Variants in NRXN1 observed in about 807,000 individuals in gnomAD.
NRXN1 encodes the protein neurexin-1.
A neutral mutation model predicts 150.9 loss-of-function variants in NRXN1; 39 were observed. That is an observed-to-expected ratio of 0.26 (90% CI 0.20 to 0.34). NRXN1 has a LOEUF of 0.34. NRXN1 is among the 10% of genes least tolerant of loss of function. The pLI is 1.00. For missense variants in NRXN1, 1,815 were observed against 1,949.9 expected (o/e 0.93, Z 1.30); for synonymous variants, 924 against 757.0 (o/e 1.22, Z -3.62).
intron 18 of NRXN1, among the ~76,000 whole-genome samples, chr2:50,168,754 T>C (rs943209268): frequency 6.6e-6 from 1 of 152,160 alleles, no homozygotes; most frequent in African/African-American, 2.4e-5. Flanking sequence ...CTTACATGAA[T>C]GCAACCCCAG....
chr2:50,378,751 T>C (rs2080715164), intron 17 of NRXN1, among the ~76,000 whole-genome samples: 1 of 152,130 alleles, frequency 6.6e-6, no homozygotes, highest in Non-Finnish European at 1.5e-5. Context: ...CAGTTTATTC[T>C]GAAAAGTGAT....
At chr2:50,498,443 C>G (rs2091767285) in intron 13 of NRXN1, among the ~76,000 whole-genome samples, 1 of 151,968 alleles carries the variant, frequency 6.6e-6, no homozygotes, top group Non-Finnish European at 1.5e-5. Context: ...GAAAGCTTGC[C>G]CAATTTTGAT....
At chr2:49,928,394 G>C (rs1054924366) in intron 22 of NRXN1, among the ~76,000 whole-genome samples, 24 of 152,008 alleles carry the variant, frequency 1.6e-4, no homozygotes, top group Admixed American at 1.5e-3. Context: ...ACCCCACCTA[G>C]GAAAGAGTTG....
At chr2:50,673,875 C>T (rs1037239885) in intron 5 of NRXN1, among the ~76,000 whole-genome samples, 1 of 151,978 alleles carries the variant, frequency 6.6e-6, no homozygotes, top group Non-Finnish European at 1.5e-5. Flanking sequence ...AAAAGGATGA[C>T]TTCATGTCCT....
intron 12 of NRXN1, among the ~76,000 whole-genome samples, chr2:50,514,849 A>C (rs1385543629): frequency 6.6e-6 from 1 of 152,210 alleles, no homozygotes; most frequent in East Asian, 1.9e-4. Flanking sequence ...AGTGCGAGGA[A>C]ACCTGAGTTT....
At chr2:50,264,285 C>T (rs1015970672) in intron 17 of NRXN1, among the ~76,000 whole-genome samples, 10 of 151,968 alleles carry the variant, frequency 6.6e-5, no homozygotes, top group African/African-American at 2.2e-4. Context: ...CGCACACATA[C>T]GCACATAGAA....
At chr2:50,488,122 C>T (rs1408695125) in intron 15 of NRXN1, among the ~76,000 whole-genome samples, 12 of 152,180 alleles carry the variant, frequency 7.9e-5, no homozygotes, top group Admixed American at 5.9e-4. Flanking sequence ...GCAAGGCAAA[C>T]CCTGTCCCTG....
chr2:50,051,482 A>C (rs1274504886), intron 21 of NRXN1, among the ~76,000 whole-genome samples: 1 of 152,078 alleles, frequency 6.6e-6, no homozygotes, highest in Non-Finnish European at 1.5e-5. Context: ...AAAGTCTATC[A>C]ATTTATTTGT....
chr2:49,921,750 T>C lies in NRXN1; in HGVS notation c.*194A>G, dbSNP rs941160317. 2.1e-5 allele frequency: 13 copies of C among 614,740 alleles called. No individual in the cohort carries two copies. Among genetic ancestry groups the C allele is most frequent in the Non-Finnish European group, 3.3e-5 (12 of 363,860 alleles). 38.1% of individuals were successfully genotyped at this position (614,740 alleles called of 1,614,324 possible). ...GGAATTTATTGGCCCCTGTTTTTTG[T>C]TTTTTGTTTTTCTTTTTTGAGAAAC... On this transcript the variant is annotated 3_prime_UTR_variant, in exon 23 of 23. Coordinates refer to ENST00000401669, the MANE Select transcript of NRXN1 (RefSeq NM_001330078.2).
At chr2:50,049,633 C>T (rs945540495) in intron 21 of NRXN1, among the ~76,000 whole-genome samples, 3 of 152,066 alleles carry the variant, frequency 2.0e-5, no homozygotes, top group East Asian at 1.9e-4. Context: ...ATTCCAGAAA[C>T]GATGTCACAA....
At chr2:50,495,287 C>G (rs1203551475) in intron 15 of NRXN1, among the ~76,000 whole-genome samples, 1 of 150,174 alleles carries the variant, frequency 6.7e-6, no homozygotes, top group Non-Finnish European at 1.5e-5. Flanking sequence ...AATGAAGTAT[C>G]AATAAGGAAG....
intron 17 of NRXN1, among the ~76,000 whole-genome samples, chr2:50,433,557 G>T (rs1176717853): frequency 7.1e-6 from 1 of 141,790 alleles, no homozygotes; most frequent in Non-Finnish European, 1.5e-5. Context: ...CTAGCAGGAG[G>T]TAATAATTTT....
chr2:50,770,411 C>A (rs1189502682), intron 5 of NRXN1, among the ~76,000 whole-genome samples: 1 of 151,804 alleles, frequency 6.6e-6, no homozygotes, highest in East Asian at 1.9e-4. Flanking sequence ...TCAGTGAATT[C>A]TGGCTCCATT....
In NRXN1 at chr2:50,623,588, T is replaced by C. The variant is rs1680439396; in HGVS notation, c.860A>G (p.Lys287Arg). The C allele has an allele frequency of 6.2e-7, 1 of 1,612,094 alleles. No homozygotes were observed. The highest frequency in any genetic ancestry group is 1.3e-5 in the African/African-American group (1 of 74,834). ...GTCGTAGCAGAAGTATTCAGATCCT[T>C]TGAACGTGGCAATATATTCTTCTTT... ...KGKEEYIATF[K>R]GSEYFCYDLS... Residue 287 changes from lysine to arginine, a missense_variant, in exon 6 of 23, where the codon AAA (lysine) becomes AGA (arginine). Transcript: ENST00000401669.
At chr2:50,695,166 T>C (rs1463927570) in intron 5 of NRXN1, among the ~76,000 whole-genome samples, 2 of 148,340 alleles carry the variant, frequency 1.3e-5, no homozygotes, top group South Asian at 2.1e-4. Context: ...ATTTTATCAG[T>C]AACATTTCAA....
Position 49,920,917 on chromosome 2 carries a change from C to T in NRXN1, c.*1027G>A, listed in dbSNP as rs200861062. 1 of 152,466 alleles carries T rather than the reference C, an allele frequency of 6.6e-6. No individual in the cohort carries two copies. The highest frequency in any genetic ancestry group is 1.5e-5 in the Non-Finnish European group (1 of 68,012). The allele number at this position is 152,466 out of a possible 1,614,324, so 9.4% of individuals were successfully genotyped here. A position where few individuals can be genotyped will look rare whatever the true frequency, so the allele number is the denominator to read the frequency against. On this transcript the variant is annotated 3_prime_UTR_variant, in exon 23 of 23. Transcript: ENST00000401669. ...AGAAGTAGCTGAGTCTTTGTATATA[C>T]ATTCATACATATCTTCCTTAGAATA...
intron 18 of NRXN1, among the ~76,000 whole-genome samples, chr2:50,165,714 A>T (rs184621016): frequency 9.0e-4 from 137 of 152,292 alleles, no homozygotes; most frequent in Middle Eastern, 3.4e-3. Flanking sequence ...AATGAGAACA[A>T]TGTGCTCTAC....
chr2:50,642,214 A>T (rs1684174975), intron 5 of NRXN1, among the ~76,000 whole-genome samples: 1 of 152,102 alleles, frequency 6.6e-6, no homozygotes, highest in African/African-American at 2.4e-5. Flanking sequence ...TTTGAAGAAG[A>T]CAAAGTTGAA....
chr2:50,019,104 TACCTC>T, intron 21 of NRXN1: 1 of 318,064 alleles, frequency 3.1e-6, no homozygotes, highest in South Asian at 2.2e-5. Flanking sequence ...TCCAAAACAT[TACCTC>T]ATCTGTGCTT....
Sources: allele counts gnomAD v4.1 joint callset (sites outside exome capture counted in the v4.1 genomes callset), GRCh38; gene constraint gnomAD v4.1.1; transcripts MANE v1.5; gene names NCBI Gene and HGNC (gene_info 2026-07-23, HGNC 2026-07-21).